VOPP1: variants seen among roughly 807,000 people sequenced by gnomAD.
VOPP1 encodes the protein VOPP1 WW domain binding protein.
VOPP1 carries 8 observed loss-of-function variants against 23.5 expected under a neutral mutation model. That is an observed-to-expected ratio of 0.34 (90% CI 0.20 to 0.61). The LOEUF (loss-of-function observed/expected upper bound fraction) is 0.61. VOPP1 is among the 20% of genes least tolerant of loss of function. The pLI, the probability that VOPP1 is intolerant of heterozygous loss-of-function variation, is 0.78. For missense variants in VOPP1, 174 were observed against 238.1 expected (o/e 0.73, Z 1.77); for synonymous variants, 83 against 97.3 (o/e 0.85, Z 0.86).
intron 1 of VOPP1, among the ~76,000 whole-genome samples, chr7:55,523,411 G>A (rs1416657823): frequency 2.6e-5 from 4 of 151,828 alleles, no homozygotes; most frequent in Admixed American, 6.6e-5. Context: ...ATCACAGGAA[G>A]GACAGAGTAT....
intron 3 of VOPP1, 55 bp downstream of exon 3, chr7:55,497,558 G>A (rs934011566): frequency 5.2e-5 from 13 of 248,608 alleles, no homozygotes; most frequent in East Asian, 1.2e-4. Flanking sequence ...CACTGATGGG[G>A]GGGGGGGGGG....
intron 1 of VOPP1, among the ~76,000 whole-genome samples, chr7:55,529,439 C>T (rs1167998840): frequency 1.3e-5 from 2 of 151,394 alleles, no homozygotes; most frequent in Non-Finnish European, 2.9e-5. Context: ...ACCCAACACA[C>T]ATGTGCACCC....
intron 2 of VOPP1, among the ~76,000 whole-genome samples, chr7:55,498,930 C>T (rs117350335): frequency 0.011 from 1,673 of 152,246 alleles, 11 homozygotes; most frequent in Middle Eastern, 0.02. Flanking sequence ...AAACACCCCG[C>T]ACCCAACGGC....
chr7:55,489,014 C>A (rs1005929836), intron 4 of VOPP1, among the ~76,000 whole-genome samples: 1 of 152,250 alleles, frequency 6.6e-6, no homozygotes, highest in African/African-American at 2.4e-5. Context: ...AGTCTGGGAT[C>A]TGAGCAGACA....
chr7:55,492,938 G>A (rs1480242229), intron 3 of VOPP1: 1 of 152,304 alleles, frequency 6.6e-6, no homozygotes, highest in Non-Finnish European at 1.5e-5. Flanking sequence ...GGAAACAGAA[G>A]TACCCTTCCT....
chr7:55,477,358 G>C (rs191817137), intron 4 of VOPP1, among the ~76,000 whole-genome samples: 56 of 152,366 alleles, frequency 3.7e-4, no homozygotes, highest in Admixed American at 3.3e-4. Flanking sequence ...GTGACTGAAG[G>C]GGGGACGAGT....
At chr7:55,516,603 C>T (rs747512365) in intron 2 of VOPP1, among the ~76,000 whole-genome samples, 27 of 152,100 alleles carry the variant, frequency 1.8e-4, no homozygotes, top group African/African-American at 5.8e-4. Context: ...CTGGGATTTC[C>T]GGTGAGACAA....
At chr7:55,530,171 A>C (rs1796420061) in intron 1 of VOPP1, among the ~76,000 whole-genome samples, 1 of 152,112 alleles carries the variant, frequency 6.6e-6, no homozygotes, top group South Asian at 2.1e-4. Context: ...AGACTGTCAA[A>C]CTATTTTCCA....
Position 55,453,688 on chromosome 7 carries a change from T to G in VOPP1, n.418-17514A>C, listed in dbSNP as rs191723082. Among the ~76,000 whole-genome samples, 36 of 152,314 alleles carry G rather than the reference T, an allele frequency of 2.4e-4. No homozygotes were observed. In the East Asian group the frequency reaches 6.9e-3, roughly 29 times the overall value. ...GATCACAGATCACCATAACAGTTAT[T>G]TATTAATGAAAAAGTTTGAAATATT... On this transcript the variant is annotated intron_variant and non_coding_transcript_variant, in intron 4 of 4. Coordinates refer to the VOPP1 transcript ENST00000462326.
intron 1 of VOPP1, among the ~76,000 whole-genome samples, chr7:55,524,697 C>T (rs554132270): frequency 2.0e-5 from 3 of 152,344 alleles, no homozygotes; most frequent in African/African-American, 7.2e-5. Flanking sequence ...GCTAACTGAA[C>T]ACCAGGTGTC....
chr7:55,464,444 T>G (rs1248686209), intron 4 of VOPP1, among the ~76,000 whole-genome samples: 6 of 152,104 alleles, frequency 3.9e-5, no homozygotes, highest in African/African-American at 9.7e-5. Context: ...CTTGAAGGTA[T>G]CTGCAGGTGC....
At chr7:55,502,856 G>C (rs1348106675) in intron 2 of VOPP1, among the ~76,000 whole-genome samples, 1 of 152,120 alleles carries the variant, frequency 6.6e-6, no homozygotes, top group African/African-American at 2.4e-5. Flanking sequence ...AAACAGCAAG[G>C]GTTTTTCATC....
intron 4 of VOPP1, among the ~76,000 whole-genome samples, chr7:55,438,152 C>T (rs377625348): frequency 6.6e-6 from 1 of 152,134 alleles, no homozygotes; most frequent in Admixed American, 6.5e-5. Flanking sequence ...GCCTCGGCCC[C>T]CCAAAGTGCT....
chr7:55,498,472 C>A (rs1404254651), intron 2 of VOPP1, among the ~76,000 whole-genome samples: 4 of 152,124 alleles, frequency 2.6e-5, no homozygotes, highest in Non-Finnish European at 5.9e-5. Flanking sequence ...TCGGTGCCCT[C>A]GACATCCCTG....
intron 4 of VOPP1, among the ~76,000 whole-genome samples, chr7:55,481,205 G>A (rs996038020): frequency 6.6e-6 from 1 of 152,368 alleles, no homozygotes; most frequent in South Asian, 2.1e-4. Context: ...CAAGTCACAG[G>A]CCAGTGAGTG....
chr7:55,556,516 C>G (rs147962605), intron 1 of VOPP1, among the ~76,000 whole-genome samples: 1,670 of 152,250 alleles, frequency 0.011, 11 homozygotes, highest in Middle Eastern at 0.02. Flanking sequence ...ACTCCCTCCA[C>G]GACAGGCCAT....
chr7:55,440,112 G>T (rs1790928207), intron 4 of VOPP1, among the ~76,000 whole-genome samples: 1 of 152,218 alleles, frequency 6.6e-6, no homozygotes, highest in Non-Finnish European at 1.5e-5. Context: ...TGCGTTCCTT[G>T]CCAGGCATTC....
At chr7:55,458,541 C>T (rs1360710427) in intron 4 of VOPP1, among the ~76,000 whole-genome samples, 1 of 152,106 alleles carries the variant, frequency 6.6e-6, no homozygotes, top group Non-Finnish European at 1.5e-5. Flanking sequence ...TCTTCTGATT[C>T]ATGCACATGG....
chr7:55,453,219 T>C (rs1400969101), intron 4 of VOPP1, among the ~76,000 whole-genome samples: 1 of 152,236 alleles, frequency 6.6e-6, no homozygotes, highest in Admixed American at 6.5e-5. Context: ...TTCAAACTTT[T>C]TTTCTGCAGT....
Sources: allele counts gnomAD v4.1 joint callset (sites outside exome capture counted in the v4.1 genomes callset), GRCh38; gene constraint gnomAD v4.1.1; transcripts MANE v1.5; gene names NCBI Gene and HGNC (gene_info 2026-07-23, HGNC 2026-07-21).